The following CYP39A1 variants were observed in gnomAD, a reference collection of about 807,000 sequenced individuals.
CYP39A1 encodes cytochrome P450 family 39 subfamily A member 1.
A neutral mutation model predicts 58.1 loss-of-function variants in CYP39A1; 49 were observed. The ratio of observed to expected loss-of-function variants is 0.84; its 90% CI spans 0.67 to 1.07. CYP39A1 has a LOEUF of 1.07. Among genes scored for constraint, CYP39A1 ranks in the 50% least tolerant of loss-of-function variants. CYP39A1 has a pLI of 0.00. For missense variants in CYP39A1, 531 were observed against 539.4 expected, an observed-to-expected ratio of 0.98 and a Z score of 0.16; for synonymous variants, 209 against 187.6, an observed-to-expected ratio of 1.11 and a Z score of -0.93.
At chr6:46,648,170 C>T (rs1762446065) in intron 1 of CYP39A1, among the ~76,000 whole-genome samples, 1 of 151,946 alleles carries the variant, frequency 6.6e-6, no homozygotes, top group Admixed American at 6.6e-5. Flanking sequence ...GGGTATATAC[C>T]CAAAGGATTA....
At chr6:46,568,238 T>A (rs1239872439) in intron 10 of CYP39A1, among the ~76,000 whole-genome samples, 1 of 152,136 alleles carries the variant, frequency 6.6e-6, no homozygotes, top group Non-Finnish European at 1.5e-5. Context: ...TCTTTGCTCA[T>A]TTCTGAATTG....
chr6:46,609,515 T>A (rs530164783), intron 7 of CYP39A1, among the ~76,000 whole-genome samples: 2 of 152,328 alleles, frequency 1.3e-5, no homozygotes, highest in East Asian at 3.9e-4. Flanking sequence ...TTTATCTTTT[T>A]TGAAAAGAGT....
chr6:46,623,457 G>C (rs1298220163), intron 7 of CYP39A1, among the ~76,000 whole-genome samples: 1 of 152,080 alleles, frequency 6.6e-6, no homozygotes, highest in Non-Finnish European at 1.5e-5. Context: ...GGTGTTTCTG[G>C]ATGACAGATG....
At chr6:46,643,856 C>T (rs1298267775) in intron 1 of CYP39A1, among the ~76,000 whole-genome samples, 1 of 152,144 alleles carries the variant, frequency 6.6e-6, no homozygotes, top group Non-Finnish European at 1.5e-5. Context: ...TTACGAAGTA[C>T]AGGCAGGCAC....
At chr6:46,583,336 C>T in intron 10 of CYP39A1, 2 of 985,370 alleles carry the variant, frequency 2.0e-6, no homozygotes, top group Non-Finnish European at 2.4e-6. Context: ...CAAGGAAAAT[C>T]AAGCTTGTTG....
intron 11 of CYP39A1, 115 bp from the exon 12 acceptor site, chr6:46,550,552 A>G (rs997504068): frequency 1.2e-6 from 1 of 832,166 alleles, no homozygotes; most frequent in Non-Finnish European, 1.8e-6. Flanking sequence ...AGGTTTTTCA[A>G]GTTGGGAAAT....
intron 10 of CYP39A1, among the ~76,000 whole-genome samples, chr6:46,557,732 T>A (rs1199773625): frequency 2.1e-5 from 3 of 145,834 alleles, no homozygotes; most frequent in Middle Eastern, 3.7e-3. Context: ...AAGTCAGGAG[T>A]TCAAGACCAG....
At chr6:46,641,030 T>TAGAGAAG (rs2077545518) in intron 2 of CYP39A1, among the ~76,000 whole-genome samples, 2 of 151,750 alleles carry the variant, frequency 1.3e-5, no homozygotes, top group Non-Finnish European at 2.9e-5. Flanking sequence ...ACATCTTCTG[T>TAGAGAAG]ATGTATAGTA....
chr6:46,568,159 A>T (rs1448158258), intron 10 of CYP39A1, among the ~76,000 whole-genome samples: 1 of 152,062 alleles, frequency 6.6e-6, no homozygotes, highest in Non-Finnish European at 1.5e-5. Context: ...ATGATTAGTG[A>T]TGTTGAGCAT....
At position 46,636,351 on chromosome 6, in the gene CYP39A1, A is replaced by C. The variant is rs768468180; in HGVS notation, c.732+38T>G. ...ATTTTAACAACAATAATTTATTACT[A>C]TCTTTACATTAGCAAAAGAAAGGTA... is the stretch of plus-strand genomic sequence containing the variant. On this transcript the variant is annotated intron_variant, in intron 5 of 11. Transcript: ENST00000275016. 10 of 1,406,840 alleles carry C rather than the reference A, an allele frequency of 7.1e-6. No individual in the cohort carries two copies. In the East Asian group the frequency reaches 2.1e-4, roughly 29 times the overall value. 87.1% of individuals were successfully genotyped at this position (1,406,840 alleles called of 1,614,324 possible).
At chr6:46,649,663 G>C (rs939485537) in intron 1 of CYP39A1, among the ~76,000 whole-genome samples, 3 of 152,136 alleles carry the variant, frequency 2.0e-5, no homozygotes, top group Non-Finnish European at 2.9e-5. Context: ...CTATTTGCTT[G>C]TATACAGTTA....
intron 7 of CYP39A1, among the ~76,000 whole-genome samples, chr6:46,598,230 T>G (rs1368869920): frequency 6.6e-6 from 1 of 152,174 alleles, no homozygotes; most frequent in Non-Finnish European, 1.5e-5. Flanking sequence ...TACACTGTTA[T>G]TCTCAAACTT....
Position 46,620,733 on chromosome 6 carries a change from G to A in CYP39A1, c.931+4685C>T, listed in dbSNP as rs150466386. Among the ~76,000 whole-genome samples, 247 of 152,220 alleles carry A rather than the reference G, an allele frequency of 1.6e-3. 1 individual carries two copies. Among genetic ancestry groups the A allele is most frequent in the African/African-American group, 5.6e-3 (231 of 41,544 alleles). ...CTGCTTGGCTGAGTGTTGAAGGCAT[G>A]GCCAACATGCACACACAGTCCCTTA... is the stretch of plus-strand genomic sequence containing the variant. On this transcript the variant is annotated intron_variant, in intron 7 of 11. Coordinates refer to ENST00000275016, the MANE Select transcript of CYP39A1 (RefSeq NM_016593.5).
chr6:46,610,163 G>A (rs368051458), intron 7 of CYP39A1, among the ~76,000 whole-genome samples: 41 of 152,280 alleles, frequency 2.7e-4, no homozygotes, highest in African/African-American at 9.4e-4. Context: ...CACAGTTTTA[G>A]TTTTGAAAGA....
At position 46,639,751 on chromosome 6, in the gene CYP39A1, A is replaced by G. The variant is rs147169009; in HGVS notation, c.314-83T>C. 314 of 1,211,542 alleles carry G rather than the reference A, an allele frequency of 2.6e-4. 1 individual carries two copies. The East Asian group carries it at 4.8e-3, about 18-fold the overall frequency. 75.0% of individuals were successfully genotyped at this position (1,211,542 alleles called of 1,614,324 possible). On this transcript the variant is annotated intron_variant, in intron 2 of 11. Coordinates refer to ENST00000275016, the MANE Select transcript of CYP39A1 (RefSeq NM_016593.5). ...AATATATATCTACTATTATTTGGTC[A>G]GCAGGGACTACAGCCAAAGTCCTCT...
At chr6:46,606,053 C>T (rs1467529333) in intron 7 of CYP39A1, among the ~76,000 whole-genome samples, 1 of 152,114 alleles carries the variant, frequency 6.6e-6, no homozygotes, top group Non-Finnish European at 1.5e-5. Flanking sequence ...CTACATATTG[C>T]ATAATTCTGG....
chr6:46,565,638 C>G (rs1430519355), intron 10 of CYP39A1, among the ~76,000 whole-genome samples: 8 of 152,088 alleles, frequency 5.3e-5, no homozygotes, highest in Non-Finnish European at 8.8e-5. Flanking sequence ...GGTCATGTAA[C>G]CAGGGCATGC....
intron 1 of CYP39A1, among the ~76,000 whole-genome samples, chr6:46,649,194 A>G (rs1249404174): frequency 6.6e-6 from 1 of 152,210 alleles, no homozygotes; most frequent in Non-Finnish European, 1.5e-5. Context: ...TACTGGATTG[A>G]AGACTTTTGA....
At chr6:46,649,051 A>C (rs1762509464) in intron 1 of CYP39A1, among the ~76,000 whole-genome samples, 1 of 152,222 alleles carries the variant, frequency 6.6e-6, no homozygotes, top group Non-Finnish European at 1.5e-5. Context: ...TCAGGTTTGC[A>C]ATATGGGTTT....
Sources: allele counts gnomAD v4.1 joint callset (sites outside exome capture counted in the v4.1 genomes callset), GRCh38; gene constraint gnomAD v4.1.1; transcripts MANE v1.5; gene names NCBI Gene and HGNC (gene_info 2026-07-23, HGNC 2026-07-21).